The following LTN1 variants were observed in gnomAD, a reference collection of about 807,000 sequenced individuals.
LTN1 encodes the protein listerin E3 ubiquitin protein ligase 1.
A neutral mutation model predicts 201.2 loss-of-function variants in LTN1; 88 were observed. That is an observed-to-expected ratio of 0.44 (90% CI 0.37 to 0.52). The LOEUF (loss-of-function observed/expected upper bound fraction) is 0.52. LTN1 is among the 20% of genes least tolerant of loss of function. LTN1 has a pLI of 0.00. For missense variants in LTN1, 1,752 were observed against 2,038.7 expected, an observed-to-expected ratio of 0.86 and a Z score of 2.71; for synonymous variants, 645 against 713.5, an observed-to-expected ratio of 0.90 and a Z score of 1.53.
rs2084695974 is a variant in LTN1, at chr21:28,986,071, TGA to T, written c.345+66_345+67del. On this transcript the variant is annotated intron_variant, in intron 3 of 29. Transcript: ENST00000361371. This position sits in a 1 kb window ranked among gnomAD's most constrained non-coding sequence, Gnocchi z 4.1. ...TCACCAAAAATCAACATTATAAATTTGAGAGTCTCCATGACTCCAACCAAAAA... is the reference window on the plus strand; with the variant it reads ...TCACCAAAAATCAACATTATAAATTTGAGTCTCCATGACTCCAACCAAAAA... 2 of 788,690 alleles carry T rather than the reference TGA, an allele frequency of 2.5e-6. No homozygotes were observed. The highest frequency in any genetic ancestry group is 1.7e-5 in the African/African-American group (1 of 57,974). The allele number at this position is 788,690 out of a possible 1,614,324, so 48.9% of individuals were successfully genotyped here.
chr21:28,933,266 A>G (rs1019012901), intron 27 of LTN1, among the ~76,000 whole-genome samples: 10 of 152,070 alleles, frequency 6.6e-5, no homozygotes, highest in Admixed American at 6.6e-4. Context: ...CACTAGCACA[A>G]AATCTCTCAC....
chr21:28,977,687 T>C (rs1237508085), intron 6 of LTN1, among the ~76,000 whole-genome samples: 1 of 151,540 alleles, frequency 6.6e-6, no homozygotes, highest in African/African-American at 2.4e-5. Flanking sequence ...TGCGCCACTA[T>C]ACTCCAGTCC....
rs151254627 is a variant in LTN1, at chr21:28,943,029, T to C, written c.4295+233A>G. On this transcript the variant is annotated intron_variant, in intron 24 of 29. Transcript: ENST00000361371. ...TCCACAGCCACCATATGGCCAAAGA[T>C]AGTTTTACTGAACAGTAGCAAACGG... 2.6e-3 allele frequency among the ~76,000 whole-genome samples: 391 copies of C among 152,322 alleles called. 1 individual carries two copies. Among genetic ancestry groups the C allele is most frequent in the Non-Finnish European group, 4.2e-3 (287 of 68,026 alleles).
At chr21:28,981,560 A>G (rs1318792614) in intron 5 of LTN1, among the ~76,000 whole-genome samples, 1 of 152,236 alleles carries the variant, frequency 6.6e-6, no homozygotes, top group African/African-American at 2.4e-5. Flanking sequence ...TCTCGGTAGC[A>G]TGTACAAGGG....
At chr21:28,955,059 T>C (rs911525252) in intron 16 of LTN1, among the ~76,000 whole-genome samples, 2 of 151,870 alleles carry the variant, frequency 1.3e-5, no homozygotes, top group African/African-American at 2.4e-5. Flanking sequence ...ATAAGGAATA[T>C]ATAAGGAACT....
intron 11 of LTN1, 160 bp from the exon 12 acceptor site, chr21:28,960,866 T>C: frequency 3.5e-6 from 2 of 571,428 alleles, no homozygotes; most frequent in Non-Finnish European, 6.2e-6. Flanking sequence ...GTATCCTCCC[T>C]GTTCCCCATT....
chr21:28,991,840 C>T lies in LTN1; in HGVS notation c.42+924G>A, dbSNP rs113796045. 5.0e-3 allele frequency among the ~76,000 whole-genome samples: 755 copies of T among 152,190 alleles called. 5 individuals are homozygous for T. Among genetic ancestry groups the T allele is most frequent in the Admixed American group, 8.8e-3 (134 of 15,282 alleles). On this transcript the variant is annotated intron_variant, in intron 1 of 29. Transcript: ENST00000361371. Reference sequence around the variant, plus strand: ...CTACATCAGAAACAGGAAAAAAAAGCATTCTCATAAAATTGGACTGTGCTA... The same window carrying T: ...CTACATCAGAAACAGGAAAAAAAAGTATTCTCATAAAATTGGACTGTGCTA...
Position 28,945,167 on chromosome 21 carries a change from G to A in LTN1, c.3769-571C>T, listed in dbSNP as rs189878011. Among the ~76,000 whole-genome samples the A allele has an allele frequency of 2.2e-3, 339 of 152,264 alleles. 2 individuals are homozygous for A. Among genetic ancestry groups the A allele is most frequent in the African/African-American group, 7.9e-3 (329 of 41,542 alleles). On this transcript the variant is annotated intron_variant, in intron 21 of 29. Transcript: ENST00000361371. Reference sequence around the variant, plus strand: ...ACCCAGAAGGCGGAGGTTGCAGTGAGCCAAGATCGCACCATTGCACTCCAG... The same window carrying A: ...ACCCAGAAGGCGGAGGTTGCAGTGAACCAAGATCGCACCATTGCACTCCAG...
Position 28,982,379 on chromosome 21 carries a change from G to T in LTN1, c.577-11C>A. 1 of 1,609,248 alleles carries T rather than the reference G, an allele frequency of 6.2e-7. No homozygotes were observed. Among genetic ancestry groups the T allele is most frequent in the Non-Finnish European group, 8.5e-7 (1 of 1,175,720 alleles). ...ATGATCCTGCAGCACCTACAAAGGG[G>T]GGAAATACCAAAGCCTTTGGTTTTA... On this transcript the variant is annotated splice_polypyrimidine_tract_variant and intron_variant, in intron 4 of 29. Coordinates refer to ENST00000361371, the MANE Select transcript of LTN1 (RefSeq NM_015565.3).
intron 1 of LTN1, among the ~76,000 whole-genome samples, chr21:28,989,402 T>C (rs571166624): frequency 6.6e-6 from 1 of 152,256 alleles, no homozygotes; most frequent in East Asian, 1.9e-4. Flanking sequence ...TCTTATGATC[T>C]TTGTATGTTA....
In LTN1 at chr21:28,986,021, A is replaced by C; in HGVS notation, c.345+118T>G. 1.6e-6 allele frequency: 1 copy of C among 643,120 alleles called. No homozygotes were observed. The highest frequency in any genetic ancestry group is 2.8e-5 in the East Asian group (1 of 36,030). The allele number at this position is 643,120 out of a possible 1,614,324, so 39.8% of individuals were successfully genotyped here. ...TGTTAACAATTCAATCTGCATAACA[A>C]TGCTGACATAACATTTAATAACCCT... On this transcript the variant is annotated intron_variant, in intron 3 of 29. Transcript: ENST00000361371. The surrounding 1 kb of genome is among the most constrained non-coding windows in gnomAD (Gnocchi z 4.1).
chr21:28,938,022 C>T (rs866143631), intron 25 of LTN1, among the ~76,000 whole-genome samples: 12 of 151,960 alleles, frequency 7.9e-5, no homozygotes, highest in African/African-American at 2.4e-4. Flanking sequence ...AGGCTAAAAA[C>T]AGCTGGCCAA....
Position 28,947,616 on chromosome 21 carries a change from GA to G in LTN1, c.3345-11del, listed in dbSNP as rs35916992. ...AGTTAGTGGAAAAAAACTGTTTAAA[GA>G]AAAAAAAAACACAAGTTAGATTTCT... On this transcript the variant is annotated splice_polypyrimidine_tract_variant and intron_variant, in intron 18 of 29. Coordinates refer to ENST00000361371, the MANE Select transcript of LTN1 (RefSeq NM_015565.3). The G allele has an allele frequency of 7.5e-4, 1,026 of 1,368,758 alleles. 1 individual carries two copies. The highest frequency in any genetic ancestry group is 2.4e-3 in the East Asian group (86 of 36,266). 84.8% of individuals were successfully genotyped at this position (1,368,758 alleles called of 1,614,324 possible). A position where few individuals can be genotyped will look rare whatever the true frequency, so the allele number is the denominator to read the frequency against.
At position 28,943,750 on chromosome 21, in the gene LTN1, G is replaced by C. The variant is rs149381348; in HGVS notation, c.4137C>G (p.Leu1379=). Residue 1379 remains leucine, a synonymous_variant, in exon 23 of 30, where the codon CTC becomes CTG. Coordinates refer to ENST00000361371, the MANE Select transcript of LTN1 (RefSeq NM_015565.3). ...ADQKTNLPEY[L]QTLLNTLAPL... Reference sequence around the variant, plus strand: ...GGGCCAATGTATTTAACAAAGTCTGGAGATATTCTGGTAAGTTTGTTTTTT... The same window carrying C: ...GGGCCAATGTATTTAACAAAGTCTGCAGATATTCTGGTAAGTTTGTTTTTT... The C allele has an allele frequency of 6.2e-7, 1 of 1,613,872 alleles. No homozygotes were observed. Among genetic ancestry groups the C allele is most frequent in the South Asian group, 1.1e-5 (1 of 91,076 alleles).
chr21:28,956,907 A>G lies in LTN1; in HGVS notation c.2934T>C (p.Asn978=). The change falls in exon 16 of 30, where the codon AAT becomes AAC. Residue 978 remains asparagine (N), a synonymous_variant. Transcript: ENST00000361371. ...RPLLEGRLSL[N]YECFKTDFKE... Reference sequence around the variant, plus strand: ...TAAAATCTGTTTTGAAACATTCATAATTCAAACTCAATCTTCCCTCTAAAA... The same window carrying G: ...TAAAATCTGTTTTGAAACATTCATAGTTCAAACTCAATCTTCCCTCTAAAA... 1 of 1,608,412 alleles carries G rather than the reference A, an allele frequency of 6.2e-7. No homozygotes were observed. The highest frequency in any genetic ancestry group is 8.5e-7 in the Non-Finnish European group (1 of 1,177,260).
In LTN1 at chr21:28,961,392, CTTATT is replaced by C. The variant is rs1287076790; in HGVS notation, c.2164-691_2164-687del. On this transcript the variant is annotated intron_variant, in intron 11 of 29. Coordinates refer to ENST00000361371, the MANE Select transcript of LTN1 (RefSeq NM_015565.3). The stretch of plus-strand genomic sequence containing the variant: ...ACTAGGGCCAGATATCTGACAGCAA[CTTATT>C]TTCATGAGGTGGGGAAGCAAGAAAA... 8.7e-5 allele frequency: 14 copies of C among 161,780 alleles called. No homozygotes were observed. In the East Asian group the frequency reaches 2.7e-3, roughly 31 times the overall value. The allele number at this position is 161,780 out of a possible 1,614,324, so 10.0% of individuals were successfully genotyped here.
intron 11 of LTN1, chr21:28,964,916 A>ACTATTTGCCT: frequency 2.0e-6 from 2 of 989,212 alleles, no homozygotes; most frequent in Non-Finnish European, 2.8e-6. Context: ...ACTAAGGCAA[A>ACTATTTGCCT]TAGTGTGCCT....
Position 28,929,709 on chromosome 21 carries a change from T to C in LTN1, c.*739A>G, listed in dbSNP as rs1482701473. 6.6e-6 allele frequency: 1 copy of C among 152,120 alleles called. No individual in the cohort carries two copies. The highest frequency in any genetic ancestry group is 1.5e-5 in the Non-Finnish European group (1 of 67,986). The allele number at this position is 152,120 out of a possible 1,614,324, so 9.4% of individuals were successfully genotyped here. A position where few individuals can be genotyped will look rare whatever the true frequency, so the allele number is the denominator to read the frequency against. ...CTATTTCTCTCAAATTCTCACCCTC[T>C]AGAGACTCGCTCAGAGTGATAAATT... On this transcript the variant is annotated 3_prime_UTR_variant, in exon 30 of 30. Transcript: ENST00000361371.
At position 28,956,910 on chromosome 21, in the gene LTN1, C is replaced by G; in HGVS notation, c.2931G>C (p.Leu977Phe). 6.2e-7 allele frequency: 1 copy of G among 1,607,622 alleles called. No homozygotes were observed. The highest frequency in any genetic ancestry group is 1.3e-5 in the African/African-American group (1 of 74,788). Reference sequence around the variant, plus strand: ...AATCTGTTTTGAAACATTCATAATTCAAACTCAATCTTCCCTCTAAAAGAG... The same window carrying G: ...AATCTGTTTTGAAACATTCATAATTGAAACTCAATCTTCCCTCTAAAAGAG... Reference protein sequence around the residue: ...HRPLLEGRLSLNYECFKTDFK... With the variant: ...HRPLLEGRLSFNYECFKTDFK... The change falls in exon 16 of 30, where the codon TTG (leucine) becomes TTC (phenylalanine). Residue 977 changes from leucine (L) to phenylalanine (F), a missense_variant. Physicochemically the swap from Leu to Phe is conservative, Grantham distance 22. This residue lies in a region of LTN1 where 1,211 missense variants were observed against 1,312.8 expected (regional missense o/e 0.92). Transcript: ENST00000361371.
Sources: allele counts gnomAD v4.1 joint callset (sites outside exome capture counted in the v4.1 genomes callset), GRCh38; gene constraint gnomAD v4.1.1; regional missense constraint gnomAD v4.1.1; non-coding constraint Gnocchi (gnomAD v3.1); transcripts MANE v1.5; gene names NCBI Gene and HGNC (gene_info 2026-07-23, HGNC 2026-07-21).